NUBPL: variants seen among roughly 807,000 people sequenced by gnomAD.
NUBPL encodes the protein NUBP iron-sulfur cluster assembly factor, mitochondrial, also known as iron-sulfur cluster transfer protein NUBPL.
In NUBPL, 31 loss-of-function variants were observed where a neutral mutation model predicts 45.7. The ratio of observed to expected loss-of-function variants is 0.68; its 90% confidence interval spans 0.51 to 0.92. The LOEUF is 0.92. Ranked by LOEUF, NUBPL falls within the 40% of genes least tolerant of loss-of-function variation. The probability of loss-of-function intolerance (pLI) is 0.00; values close to 1 mark genes in which losing one functional copy is unlikely to be tolerated. For synonymous variants in NUBPL, 144 were observed against 140.9 expected, an observed-to-expected ratio of 1.02 and a Z score of -0.15; for missense variants, 401 against 398.7, an observed-to-expected ratio of 1.01 and a Z score of -0.05.
intron 6 of NUBPL, among the ~76,000 whole-genome samples, chr14:31,674,123 A>G (rs539821773): frequency 5.3e-5 from 8 of 152,326 alleles, no homozygotes; most frequent in African/African-American, 1.2e-4. Flanking sequence ...AAAAATATCA[A>G]TTGGGCTATA....
At chr14:31,782,791 C>CAAAA (rs2039216392) in intron 6 of NUBPL, among the ~76,000 whole-genome samples, 2 of 149,360 alleles carry the variant, frequency 1.3e-5, no homozygotes, top group African/African-American at 5.1e-5. Flanking sequence ...GTCTAAAAAA[C>CAAAA]AAACAAACAA....
chr14:31,653,684 G>T (rs988781369), intron 4 of NUBPL, among the ~76,000 whole-genome samples: 1 of 152,168 alleles, frequency 6.6e-6, no homozygotes, highest in Non-Finnish European at 1.5e-5. Flanking sequence ...GTCCTGAGGT[G>T]ACGTACATCC....
At chr14:31,684,420 T>G (rs2036906578) in intron 6 of NUBPL, among the ~76,000 whole-genome samples, 1 of 152,140 alleles carries the variant, frequency 6.6e-6, no homozygotes, top group African/African-American at 2.4e-5. Context: ...TTCAGAAAGG[T>G]TTTGTATCGT....
chr14:31,850,833 G>T (rs1198937729), intron 10 of NUBPL, among the ~76,000 whole-genome samples: 1 of 151,906 alleles, frequency 6.6e-6, no homozygotes, highest in Non-Finnish European at 1.5e-5. Context: ...ATGTTGTCCA[G>T]GTTGGTCTCG....
At chr14:31,644,712 G>A (rs970003030) in intron 4 of NUBPL, among the ~76,000 whole-genome samples, 1 of 152,008 alleles carries the variant, frequency 6.6e-6, no homozygotes, top group African/African-American at 2.4e-5. Context: ...TGAATTTTTT[G>A]TCTAGATGAT....
intron 7 of NUBPL, among the ~76,000 whole-genome samples, chr14:31,815,874 A>C (rs2039904945): frequency 1.3e-5 from 2 of 152,198 alleles, no homozygotes; most frequent in Non-Finnish European, 2.9e-5. Context: ...CTTGCATGCC[A>C]GGGATGAAGC....
chr14:31,717,074 C>T (rs2037706781), intron 6 of NUBPL, among the ~76,000 whole-genome samples: 1 of 152,196 alleles, frequency 6.6e-6, no homozygotes, highest in Non-Finnish European at 1.5e-5. Flanking sequence ...CTGATTTATA[C>T]CCTTTTGTGG....
chr14:31,677,773 C>T (rs1473089172), intron 6 of NUBPL, among the ~76,000 whole-genome samples: 1 of 152,238 alleles, frequency 6.6e-6, no homozygotes, highest in Non-Finnish European at 1.5e-5. Flanking sequence ...CTGCACAGCA[C>T]TGGGTCTTGT....
At position 31,775,562 on chromosome 14, in the gene NUBPL, G is replaced by A. The variant is rs530625100; in HGVS notation, c.514-12218G>A. ...GGCTGACTCAAGTCTGAACTGTTGC[G>A]CCTGATCTGTACCTCATCCTACCCT... On this transcript the variant is annotated intron_variant, in intron 6 of 10. Transcript: ENST00000281081. Among the ~76,000 whole-genome samples the A allele has an allele frequency of 8.5e-5, 13 of 152,272 alleles. No individual in the cohort carries two copies. In the South Asian group the frequency reaches 2.3e-3, roughly 27 times the overall value.
intron 4 of NUBPL, among the ~76,000 whole-genome samples, chr14:31,650,555 T>C (rs2035975039): frequency 6.6e-6 from 1 of 152,170 alleles, no homozygotes; most frequent in South Asian, 2.1e-4. Flanking sequence ...TCCCAAAGTG[T>C]TGGGATTACA....
At chr14:31,736,466 A>G (rs1161423624) in intron 6 of NUBPL, among the ~76,000 whole-genome samples, 3 of 152,186 alleles carry the variant, frequency 2.0e-5, no homozygotes, top group South Asian at 4.1e-4. Flanking sequence ...AACTTCATGT[A>G]GATAAAATCT....
intron 6 of NUBPL, among the ~76,000 whole-genome samples, chr14:31,696,204 A>G (rs899723753): frequency 3.3e-5 from 5 of 152,212 alleles, no homozygotes; most frequent in African/African-American, 1.2e-4. Flanking sequence ...TTCTGGTTAT[A>G]TATAGCTGAG....
intron 3 of NUBPL, among the ~76,000 whole-genome samples, chr14:31,596,384 T>G (rs1345226878): frequency 6.6e-6 from 1 of 152,202 alleles, no homozygotes; most frequent in Non-Finnish European, 1.5e-5. Flanking sequence ...GTGCTCTTGG[T>G]GCTAACAAAA....
chr14:31,673,599 T>C (rs374317410), intron 6 of NUBPL, 25 bp downstream of exon 6: 1 of 1,578,588 alleles, frequency 6.3e-7, no homozygotes, highest in Non-Finnish European at 8.7e-7. Flanking sequence ...TTAAATATCA[T>C]TTTATCATTG....
intron 4 of NUBPL, among the ~76,000 whole-genome samples, chr14:31,629,889 A>C (rs2035298245): frequency 6.6e-6 from 1 of 151,820 alleles, no homozygotes; most frequent in Admixed American, 6.6e-5. Flanking sequence ...TTTTCTTTGG[A>C]CCATTCTAAG....
intron 4 of NUBPL, among the ~76,000 whole-genome samples, chr14:31,646,399 C>A (rs1019970126): frequency 2.6e-5 from 4 of 152,050 alleles, no homozygotes; most frequent in South Asian, 4.1e-4. Context: ...TTTGGCCAGG[C>A]TGGTCTTGAA....
chr14:31,664,477 C>T (rs1483567037), intron 4 of NUBPL, among the ~76,000 whole-genome samples: 2 of 152,158 alleles, frequency 1.3e-5, no homozygotes, highest in Non-Finnish European at 2.9e-5. Context: ...GTCTTTTCTG[C>T]ATCTATTGAG....
chr14:31,713,447 C>T (rs1387861298), intron 6 of NUBPL, among the ~76,000 whole-genome samples: 2 of 152,062 alleles, frequency 1.3e-5, no homozygotes, highest in African/African-American at 4.8e-5. Flanking sequence ...AATTTCAGCT[C>T]CTTCGTATCT....
intron 9 of NUBPL, among the ~76,000 whole-genome samples, chr14:31,847,986 G>T (rs2040479762): frequency 6.6e-6 from 1 of 152,102 alleles, no homozygotes; most frequent in African/African-American, 2.4e-5. Flanking sequence ...GAATTATACT[G>T]ACAACATTGT....
Sources: gnomAD v4.1 joint callset for allele counts (sites outside exome capture counted in the v4.1 genomes callset) on GRCh38, gnomAD v4.1.1 for gene constraint, MANE v1.5 for transcripts, NCBI Gene and HGNC (gene_info 2026-07-23, HGNC 2026-07-21) for gene names.